The following SORCS1 variants were observed in gnomAD, a reference collection of about 807,000 sequenced individuals.
SORCS1 encodes the protein VPS10 domain-containing receptor SorCS1.
In SORCS1, 60 loss-of-function variants were observed where a neutral mutation model predicts 146.1. That is an observed-to-expected ratio of 0.41 (90% CI 0.33 to 0.51). The LOEUF (loss-of-function observed/expected upper bound fraction) is 0.51, where lower values mean the gene tolerates loss of function less well. SORCS1 is among the 20% of genes least tolerant of loss of function. The pLI, the probability that SORCS1 is intolerant of heterozygous loss-of-function variation, is 0.21. For missense variants in SORCS1, 1,352 were observed against 1,487.6 expected (o/e 0.91, Z 1.50); for synonymous variants, 637 against 584.0 (o/e 1.09, Z -1.31).
At chr10:106,924,168 C>T (rs1005984758) in intron 2 of SORCS1, among the ~76,000 whole-genome samples, 1 of 151,584 alleles carries the variant, frequency 6.6e-6, no homozygotes, top group African/African-American at 2.4e-5. Context: ...ACAGGATAAT[C>T]GCTTGAACCC....
In SORCS1 at chr10:106,950,483, A is replaced by G. The variant is rs138042152; in HGVS notation, c.626+6030T>C. 2.4e-3 allele frequency among the ~76,000 whole-genome samples: 361 copies of G among 152,306 alleles called. 1 individual carries two copies. The highest frequency in any genetic ancestry group is 5.0e-3 in the Admixed American group (77 of 15,298). On this transcript the variant is annotated intron_variant, in intron 2 of 25. Coordinates refer to ENST00000263054, the MANE Select transcript of SORCS1 (RefSeq NM_052918.5). ...AAGTGCACGTATCTACTTGTTGGAC[A>G]AGAAGCCATTTCTCTGTCACCCAGT...
chr10:106,842,814 T>C (rs1375560707), intron 2 of SORCS1, among the ~76,000 whole-genome samples: 1 of 151,836 alleles, frequency 6.6e-6, no homozygotes, highest in African/African-American at 2.4e-5. Context: ...GGTTTCACCA[T>C]GTAGGCCAGG....
chr10:107,150,100 T>G (rs1174430585), intron 1 of SORCS1, among the ~76,000 whole-genome samples: 1 of 152,224 alleles, frequency 6.6e-6, no homozygotes, highest in Admixed American at 6.5e-5. Context: ...AAATTGCAAT[T>G]TATTGTTTAT....
At chr10:106,722,579 C>T (rs904448066) in intron 6 of SORCS1, among the ~76,000 whole-genome samples, 5 of 152,196 alleles carry the variant, frequency 3.3e-5, no homozygotes, top group East Asian at 1.9e-4. Flanking sequence ...TGTTGTTCCC[C>T]GGTGAATGAG....
chr10:106,751,765 C>T (rs1408865696), intron 5 of SORCS1, among the ~76,000 whole-genome samples: 1 of 152,142 alleles, frequency 6.6e-6, no homozygotes, highest in African/African-American at 2.4e-5. Flanking sequence ...ATATTTCAGT[C>T]TCTGCGTTGA....
At chr10:106,915,570 T>C (rs1388295258) in intron 2 of SORCS1, among the ~76,000 whole-genome samples, 3 of 152,160 alleles carry the variant, frequency 2.0e-5, no homozygotes, top group Admixed American at 6.5e-5. Context: ...CACTCTACTC[T>C]AGTCACATTG....
At chr10:107,173,467 A>G in the SORCS1 span, among the ~76,000 whole-genome samples, 1 of 152,164 alleles carries the variant, frequency 6.6e-6, no homozygotes, top group Non-Finnish European at 1.5e-5. Flanking sequence ...TAAAGATTTC[A>G]CTATTTATAT....
intron 2 of SORCS1, among the ~76,000 whole-genome samples, chr10:106,836,114 ATAT>A (rs368631948): frequency 1.0e-3 from 152 of 152,278 alleles, no homozygotes; most frequent in African/African-American, 3.5e-3. Context: ...ATGGACACTG[ATAT>A]TAATATCACA....
At chr10:107,034,756 T>C (rs191661961) in intron 1 of SORCS1, among the ~76,000 whole-genome samples, 5 of 136,716 alleles carry the variant, frequency 3.7e-5, no homozygotes, top group African/African-American at 1.4e-4. Flanking sequence ...ATCTAAAACC[T>C]AAAGAATGAA....
chr10:106,862,533 C>T (rs978117990), intron 2 of SORCS1, among the ~76,000 whole-genome samples: 12 of 151,922 alleles, frequency 7.9e-5, no homozygotes, highest in Non-Finnish European at 1.6e-4. Context: ...CCAAGTTAGT[C>T]CTCATTAAAA....
intron 1 of SORCS1, among the ~76,000 whole-genome samples, chr10:107,099,969 G>T (rs908629193): frequency 6.6e-6 from 1 of 152,114 alleles, no homozygotes. Context: ...AATTTTGTCG[G>T]AATCACAGTA....
rs778167245 is a variant in SORCS1 at position 106,675,174 on chromosome 10, A to G, written c.1833-18T>C. The G allele has an allele frequency of 5.1e-6, 8 of 1,565,446 alleles. No homozygotes were observed. The highest frequency in any genetic ancestry group is 6.2e-6 in the Non-Finnish European group (7 of 1,136,864). On this transcript the variant is annotated intron_variant, in intron 13 of 25. Coordinates refer to ENST00000263054, the MANE Select transcript of SORCS1 (RefSeq NM_052918.5). The stretch of plus-strand genomic sequence containing the variant: ...AACTCAACCTAATGATATAAAAAAT[A>G]TCAGTCATCAGATCTCCAAAGGAAA...
intron 23 of SORCS1, among the ~76,000 whole-genome samples, chr10:106,604,392 G>A (rs1177153807): frequency 1.3e-5 from 2 of 152,142 alleles, no homozygotes; most frequent in Non-Finnish European, 2.9e-5. Flanking sequence ...GTCTAGACAT[G>A]CACCTTGGTT....
chr10:106,644,582 G>T (rs1849285600), intron 18 of SORCS1, among the ~76,000 whole-genome samples: 1 of 152,074 alleles, frequency 6.6e-6, no homozygotes, highest in Admixed American at 6.6e-5. Context: ...GGCTAGGCTG[G>T]TCTCAAACTC....
At chr10:106,976,453 T>C (rs1221904472) in intron 1 of SORCS1, among the ~76,000 whole-genome samples, 2 of 150,068 alleles carry the variant, frequency 1.3e-5, no homozygotes, top group Non-Finnish European at 3.0e-5. Context: ...TGCCTTAGCC[T>C]CCCGAGTAGC....
intron 23 of SORCS1, among the ~76,000 whole-genome samples, chr10:106,601,495 A>G (rs1210788483): frequency 1.3e-5 from 2 of 152,194 alleles, no homozygotes; most frequent in Non-Finnish European, 2.9e-5. Context: ...TGGAGGCTCA[A>G]TTCGAATTTT....
At chr10:106,763,051 A>T (rs1300062281) in intron 4 of SORCS1, among the ~76,000 whole-genome samples, 1 of 152,190 alleles carries the variant, frequency 6.6e-6, no homozygotes, top group Non-Finnish European at 1.5e-5. Context: ...AACAGAGTTC[A>T]TACCATTGTG....
Position 106,746,561 on chromosome 10 carries a change from C to T in SORCS1, c.959+15027G>A, listed in dbSNP as rs550001323. Among the ~76,000 whole-genome samples, 10 of 152,242 alleles carry T rather than the reference C, an allele frequency of 6.6e-5. No homozygotes were observed. In the South Asian group the frequency reaches 1.5e-3, roughly 22 times the overall value. On this transcript the variant is annotated intron_variant, in intron 5 of 25. Transcript: ENST00000263054. ...TCTTATATTTATGATTCAGGCATTT[C>T]GACAATCACAAAATAATTAAGCTAC...
chr10:107,104,425 A>C (rs1344325637), intron 1 of SORCS1, among the ~76,000 whole-genome samples: 1 of 152,168 alleles, frequency 6.6e-6, no homozygotes, highest in Non-Finnish European at 1.5e-5. Context: ...CCTTCTCCTG[A>C]AACAGTGTTT....
Sources: allele counts gnomAD v4.1 joint callset (sites outside exome capture counted in the v4.1 genomes callset), GRCh38; gene constraint gnomAD v4.1.1; transcripts MANE v1.5; gene names NCBI Gene and HGNC (gene_info 2026-07-23, HGNC 2026-07-21).